Variants in WDSUB1 observed in about 807,000 individuals in gnomAD.
WDSUB1 encodes WD repeat, sterile alpha motif and U-box domain containing 1.
A neutral mutation model predicts 53.9 loss-of-function variants in WDSUB1; 49 were observed. The observed-to-expected ratio is 0.91, with a 90% CI of 0.72 to 1.15. The LOEUF is 1.15. Among genes scored for constraint, WDSUB1 ranks in the 50% most tolerant of loss-of-function variants. WDSUB1 has a pLI of 0.00. For missense variants in WDSUB1, 514 were observed against 562.0 expected, an observed-to-expected ratio of 0.91 and a Z score of 0.86; for synonymous variants, 194 against 200.6, an observed-to-expected ratio of 0.97 and a Z score of 0.28.
chr2:159,245,599 C>T (rs1215515852), intron 10 of WDSUB1, among the ~76,000 whole-genome samples: 2 of 150,756 alleles, frequency 1.3e-5, no homozygotes, highest in Non-Finnish European at 3.0e-5. Context: ...CCCAGATAGA[C>T]ATAAAAATCA....
chr2:159,257,182 TG>T (rs955082824), intron 8 of WDSUB1, among the ~76,000 whole-genome samples: 3 of 152,028 alleles, frequency 2.0e-5, no homozygotes, highest in African/African-American at 7.2e-5. Context: ...TTGTCTTTTT[TG>T]TAGAGATGGG....
At chr2:159,242,797 T>C (rs1412131334) in intron 10 of WDSUB1, among the ~76,000 whole-genome samples, 1 of 148,322 alleles carries the variant, frequency 6.7e-6, no homozygotes, top group African/African-American at 2.6e-5. Context: ...ATCGCTTGTC[T>C]GTTTTTCACT....
At chr2:159,251,359 ATACT>A (rs1283985675) in intron 9 of WDSUB1, among the ~76,000 whole-genome samples, 2 of 152,184 alleles carry the variant, frequency 1.3e-5, no homozygotes, top group African/African-American at 4.8e-5. Context: ...ATGTGTGCTA[ATACT>A]TACAATGCTT....
intron 9 of WDSUB1, among the ~76,000 whole-genome samples, chr2:159,253,095 G>A (rs2060984891): frequency 6.6e-6 from 1 of 152,168 alleles, no homozygotes; most frequent in East Asian, 1.9e-4. Flanking sequence ...GAAGCTGTGT[G>A]GCTAGTTAGT....
intron 8 of WDSUB1, 107 bp from the exon 9 acceptor site, chr2:159,256,482 T>G (rs1308684681): frequency 8.2e-7 from 1 of 1,218,378 alleles, no homozygotes; most frequent in African/African-American, 1.6e-5. Context: ...CTGTGTTTTA[T>G]AGCTAGGTAC....
chr2:159,275,667 A>C (rs764271391), intron 3 of WDSUB1, 29 bp from the exon 4 acceptor site: 35 of 1,532,284 alleles, frequency 2.3e-5, no homozygotes, highest in Non-Finnish European at 3.0e-5. Context: ...AAATACAGAG[A>C]ATTTGTAAAA....
chr2:159,239,672 T>C (rs1375788590), intron 10 of WDSUB1, among the ~76,000 whole-genome samples: 1 of 152,176 alleles, frequency 6.6e-6, no homozygotes, highest in African/African-American at 2.4e-5. Flanking sequence ...GCCTATAATC[T>C]CAGCAATTGG....
chr2:159,282,938 T>C lies in WDSUB1; in HGVS notation c.132A>G (p.Glu44=), dbSNP rs1350765624. The change falls in exon 2 of 11, where the codon GAA becomes GAG. Residue 44 remains glutamate (E), a synonymous_variant. Coordinates refer to ENST00000359774, the MANE Select transcript of WDSUB1 (RefSeq NM_001128212.3). Reference sequence around the variant, plus strand: ...GAAACTTCAATGGAGAATGTGGCAGTTCAGTAAAGTCACGTAACGAGTACA... The same window carrying C: ...GAAACTTCAATGGAGAATGTGGCAGCTCAGTAAAGTCACGTAACGAGTACA... ...IRLYSLRDFT[E]LPHSPLKFHT... The C allele has an allele frequency of 1.2e-6, 2 of 1,613,966 alleles. No homozygotes were observed. Among genetic ancestry groups the C allele is most frequent in the African/African-American group, 2.7e-5 (2 of 74,866 alleles).
At chr2:159,240,751 C>T (rs1372363678) in intron 10 of WDSUB1, among the ~76,000 whole-genome samples, 1 of 152,176 alleles carries the variant, frequency 6.6e-6, no homozygotes, top group East Asian at 1.9e-4. Flanking sequence ...AGCAACTGAC[C>T]TGGGATTTAA....
At chr2:159,281,371 G>A (rs927178718) in intron 2 of WDSUB1, among the ~76,000 whole-genome samples, 4 of 152,038 alleles carry the variant, frequency 2.6e-5, no homozygotes, top group Non-Finnish European at 5.9e-5. Context: ...CTGGAGTAGC[G>A]AGGACTACAG....
At chr2:159,248,866 A>G (rs1013485136) in intron 9 of WDSUB1, among the ~76,000 whole-genome samples, 1 of 152,204 alleles carries the variant, frequency 6.6e-6, no homozygotes, top group African/African-American at 2.4e-5. Context: ...TCATCCTCTC[A>G]AAGTGCTGGG....
At chr2:159,270,166 T>C (rs528937349) in intron 5 of WDSUB1, among the ~76,000 whole-genome samples, 1 of 152,332 alleles carries the variant, frequency 6.6e-6, no homozygotes, top group Admixed American at 6.5e-5. Context: ...ATCTTTTATA[T>C]ACTAACAAGT....
At position 159,256,227 on chromosome 2, in the gene WDSUB1, T is replaced by G; in HGVS notation, c.1101A>C (p.Thr367=). 6.2e-7 allele frequency: 1 copy of G among 1,603,224 alleles called. No individual in the cohort carries two copies. The highest frequency in any genetic ancestry group is 8.5e-7 in the Non-Finnish European group (1 of 1,176,682). ...TCAAATCATCAGCCAGACTTTCTTT[T>G]GTAAGATTCAACAGTTCTTTTCCAT... is the stretch of plus-strand genomic sequence containing the variant. ...NIDGKELLNL[T]KESLADDLKI... is the part of the protein sequence containing the mutation. Residue 367 remains threonine (T), a synonymous_variant, in exon 9 of 11, where the codon ACA becomes ACC. Coordinates refer to ENST00000359774, the MANE Select transcript of WDSUB1 (RefSeq NM_001128212.3).
intron 10 of WDSUB1, among the ~76,000 whole-genome samples, chr2:159,237,928 T>C (rs1161138981): frequency 1.8e-5 from 1 of 56,038 alleles, no homozygotes; most frequent in Non-Finnish European, 5.0e-5. Context: ...AAGCAGCATA[T>C]ATAATCTCGC....
intron 3 of WDSUB1, among the ~76,000 whole-genome samples, chr2:159,275,984 G>C (rs2061532999): frequency 6.6e-6 from 1 of 152,090 alleles, no homozygotes; most frequent in Admixed American, 6.5e-5. Flanking sequence ...GGAAAAATCA[G>C]GAAGAAAAGT....
At chr2:159,265,328 CTCTT>C (rs1317095995) in intron 5 of WDSUB1, among the ~76,000 whole-genome samples, 5 of 151,556 alleles carry the variant, frequency 3.3e-5, no homozygotes, top group African/African-American at 7.3e-5. Context: ...CTCACTCTCT[CTCTT>C]TTCTTCCTGT....
chr2:159,246,293 G>A lies in WDSUB1; in HGVS notation c.1273+2079C>T, dbSNP rs535115243. ...TAAAAATACAAAAAATTAGCCGGGC[G>A]TGGTGGTGGGTGCCTGTAGTCCCAG... is the stretch of plus-strand genomic sequence containing the variant. On this transcript the variant is annotated intron_variant, in intron 10 of 10. Transcript: ENST00000359774. Among the ~76,000 whole-genome samples the A allele has an allele frequency of 3.6e-4, 55 of 152,100 alleles. No homozygotes were observed. In the South Asian group the frequency reaches 5.4e-3, roughly 15 times the overall value.
rs1319900872 is a variant in WDSUB1 at position 159,282,998 on chromosome 2, G to C, written c.72C>G (p.Leu24=). The C allele has an allele frequency of 1.2e-6, 2 of 1,614,212 alleles. No homozygotes were observed. The highest frequency in any genetic ancestry group is 1.7e-5 in the Admixed American group (1 of 60,028). ...DVNCCAFSFS[L]LATCSLDKTI... ...TTTTGTCCAAGGAGCAAGTAGCCAA[G>C]AGGGAAAAGGAGAAGGCACAGCAGT... Residue 24 remains leucine, a synonymous_variant, in exon 2 of 11, where the codon CTC becomes CTG. Transcript: ENST00000359774.
chr2:159,271,268 T>C (rs187612163), intron 5 of WDSUB1, among the ~76,000 whole-genome samples: 1 of 152,328 alleles, frequency 6.6e-6, no homozygotes, highest in African/African-American at 2.4e-5. Flanking sequence ...AGAATTATTA[T>C]TGTAATGCCC....
Sources: gnomAD v4.1 joint callset for allele counts (sites outside exome capture counted in the v4.1 genomes callset) on GRCh38, gnomAD v4.1.1 for gene constraint, MANE v1.5 for transcripts, NCBI Gene and HGNC (gene_info 2026-07-23, HGNC 2026-07-21) for gene names.